RET: variants seen among roughly 807,000 people sequenced by gnomAD.
RET encodes ret proto-oncogene.
RET carries 19 observed loss-of-function variants against 118.3 expected under a neutral mutation model. The observed-to-expected ratio is 0.16, with a 90% confidence interval of 0.11 to 0.24. The LOEUF (loss-of-function observed/expected upper bound fraction) is 0.24, where lower values mean the gene tolerates loss of function less well. Among genes scored for constraint, RET ranks in the 10% least tolerant of loss-of-function variants. The pLI is 1.00. For missense variants in RET, 1,219 were observed against 1,502.1 expected (o/e 0.81, Z 3.12); for synonymous variants, 597 against 644.1 (o/e 0.93, Z 1.11).
Position 43,077,079 on chromosome 10 carries a change from C to T in RET, c.-180C>T, listed in dbSNP as rs1025980169. Reference sequence around the variant, plus strand: ...CGCTTACCTCGCTTCAGTCCCGCGACCGAAGCAGGGCGCGCAGCAGCGCTG... The same window carrying T: ...CGCTTACCTCGCTTCAGTCCCGCGATCGAAGCAGGGCGCGCAGCAGCGCTG... On this transcript the variant is annotated 5_prime_UTR_variant, in exon 1 of 20. Coordinates refer to ENST00000355710, the MANE Select transcript of RET (RefSeq NM_020975.6). 3.1e-6 allele frequency: 3 copies of T among 968,858 alleles called. No individual in the cohort carries two copies. Among genetic ancestry groups the T allele is most frequent in the South Asian group, 3.5e-5 (1 of 28,612 alleles). 60.0% of individuals were successfully genotyped at this position (968,858 alleles called of 1,614,324 possible).
chr10:43,109,217 G>C lies in RET; in HGVS notation c.1250G>C (p.Arg417Pro), dbSNP rs201030628. Residue 417 changes from arginine (R) to proline (P), a missense_variant, in exon 6 of 20, where the codon CGC becomes CCC. Arg to Pro is a moderately radical substitution (Grantham distance 103, BLOSUM62 -2). Coordinates refer to ENST00000355710, the MANE Select transcript of RET (RefSeq NM_020975.6). ...TYSLSVSRRA[R>P]RFAQIGKVCV... ...TCCCTCTCCGTGAGCAGGAGGGCTC[G>C]CCGATTTGCCCAGGTGAGCCCATAC... is the stretch of plus-strand genomic sequence containing the variant. 6.2e-7 allele frequency: 1 copy of C among 1,613,010 alleles called. No homozygotes were observed. Among genetic ancestry groups the C allele is most frequent in the Non-Finnish European group, 8.5e-7 (1 of 1,180,032 alleles).
At chr10:43,127,272 G>A (rs2133042056) in intron 19 of RET, 3 of 1,069,832 alleles carry the variant, frequency 2.8e-6, no homozygotes, top group South Asian at 8.9e-5. Flanking sequence ...TCCATCAGGG[G>A]TAGCGAGGTT....
At chr10:43,086,979 C>T (rs1190138769) in intron 1 of RET, among the ~76,000 whole-genome samples, 1 of 152,240 alleles carries the variant, frequency 6.6e-6, no homozygotes, top group Non-Finnish European at 1.5e-5. Context: ...GGACCCCTTC[C>T]CCACTCACGG....
chr10:43,111,062 G>A, intron 6 of RET, 145 bp from the exon 7 acceptor site: 2 of 1,121,104 alleles, frequency 1.8e-6, no homozygotes, highest in Non-Finnish European at 2.6e-6. Flanking sequence ...TCTGAGGGGT[G>A]GAGGACAGGG....
chr10:43,081,155 C>T (rs944605492), intron 1 of RET, among the ~76,000 whole-genome samples: 1 of 152,084 alleles, frequency 6.6e-6, no homozygotes, highest in African/African-American at 2.4e-5. Flanking sequence ...TTCCTTTCCA[C>T]TTCAGGAGCC....
intron 1 of RET, among the ~76,000 whole-genome samples, chr10:43,078,198 C>G (rs912860999): frequency 1.3e-5 from 2 of 152,248 alleles, no homozygotes; most frequent in Non-Finnish European, 2.9e-5. Context: ...TCTTTGACCC[C>G]TTGGCACGCG....
intron 1 of RET, among the ~76,000 whole-genome samples, chr10:43,099,513 A>AAAATAAATAAATAAAT (rs751291577): frequency 2.7e-5 from 4 of 146,290 alleles, no homozygotes; most frequent in African/African-American, 7.6e-5. Context: ...CTCCATCTCA[A>AAAATAAATAAATAAAT]AAATAAATAA....
In RET at chr10:43,118,413, G is replaced by A. The variant is rs2132929261; in HGVS notation, c.2325G>A (p.Glu775=). 1 of 1,614,172 alleles carries A rather than the reference G, an allele frequency of 6.2e-7. No individual in the cohort carries two copies. Among genetic ancestry groups the A allele is most frequent in the Non-Finnish European group, 8.5e-7 (1 of 1,180,036 alleles). Residue 775 remains glutamate, a synonymous_variant, in exon 13 of 20, where the codon GAG becomes GAA. Transcript: ENST00000355710. ...SPSELRDLLS[E]FNVLKQVNHP... ...GTGAGCTGCGAGACCTGCTGTCAGAGTTCAACGTCCTGAAGCAGGTCAACC... is the reference window on the plus strand; with the variant it reads ...GTGAGCTGCGAGACCTGCTGTCAGAATTCAACGTCCTGAAGCAGGTCAACC...
intron 1 of RET, among the ~76,000 whole-genome samples, chr10:43,079,855 CT>C (rs1837140564): frequency 6.6e-6 from 1 of 152,178 alleles, no homozygotes; most frequent in Non-Finnish European, 1.5e-5. Context: ...ACAGCTCCCC[CT>C]GCTTCATCCT....
In RET at chr10:43,101,413, C is replaced by T. The variant is rs573390612; in HGVS notation, c.337+691C>T. Among the ~76,000 whole-genome samples, 18 of 152,376 alleles carry T rather than the reference C, an allele frequency of 1.2e-4. No homozygotes were observed. In the South Asian group the frequency reaches 3.3e-3, roughly 28 times the overall value. On this transcript the variant is annotated intron_variant, in intron 2 of 19. Coordinates refer to ENST00000355710, the MANE Select transcript of RET (RefSeq NM_020975.6). ...CAGGCTATGAATGCAGAGCAGGCAT[C>T]CCTGCCCTACCCAGGCCTATCTGCC...
At position 43,118,107 on chromosome 10, in the gene RET, C is replaced by T. The variant is rs769723631; in HGVS notation, c.2285-266C>T. ...CAATGACTACAGGAACATAATGCCACATACACAGGTGGCCCAGCCCTGGGA... is the reference window on the plus strand; with the variant it reads ...CAATGACTACAGGAACATAATGCCATATACACAGGTGGCCCAGCCCTGGGA... On this transcript the variant is annotated intron_variant, in intron 12 of 19. Coordinates refer to ENST00000355710, the MANE Select transcript of RET (RefSeq NM_020975.6). Among the ~76,000 whole-genome samples the T allele has an allele frequency of 1.5e-4, 23 of 152,202 alleles. 1 individual carries two copies. The highest frequency in any genetic ancestry group is 1.2e-4 in the Non-Finnish European group (8 of 68,040).
chr10:43,116,681 A>T lies in RET; in HGVS notation c.2234A>T (p.His745Leu), dbSNP rs534094626. 2 of 1,612,618 alleles carry T rather than the reference A, an allele frequency of 1.2e-6. No individual in the cohort carries two copies. The highest frequency in any genetic ancestry group is 4.5e-5 in the East Asian group (2 of 44,704). The change falls in exon 12 of 20, where the codon CAT (histidine) becomes CTT (leucine). Residue 745 changes from histidine (H) to leucine (L), a missense_variant. Physicochemically the swap from His to Leu is moderately conservative, Grantham distance 99 (BLOSUM62 -3). Around this residue, in one of 5 missense-constraint regions of RET, gnomAD observed 850 missense variants for 969.6 expected, o/e 0.88. Transcript: ENST00000355710. ...FGKVVKATAF[H>L]LKGRAGYTTV... ...AAAGTGGTCAAGGCAACGGCCTTCC[A>T]TCTGAAAGGCAGAGCAGGGTACACC...
chr10:43,082,550 C>T (rs1837207619), intron 1 of RET, among the ~76,000 whole-genome samples: 1 of 152,122 alleles, frequency 6.6e-6, no homozygotes. Flanking sequence ...GCCCCAGGTT[C>T]TAGACCCCCT....
Position 43,129,019 on chromosome 10 carries a change from G to A in RET, c.*750G>A, listed in dbSNP as rs1382744951. 4.2e-6 allele frequency: 1 copy of A among 235,644 alleles called. No individual in the cohort carries two copies. Among genetic ancestry groups the A allele is most frequent in the African/African-American group, 2.2e-5 (1 of 45,240 alleles). The allele number at this position is 235,644 out of a possible 1,614,324, so 14.6% of individuals were successfully genotyped here. A position where few individuals can be genotyped will look rare whatever the true frequency, so the allele number is the denominator to read the frequency against. On this transcript the variant is annotated 3_prime_UTR_variant, in exon 20 of 20. Coordinates refer to ENST00000355710, the MANE Select transcript of RET (RefSeq NM_020975.6). ...GGCTCACAAGACACATTTGTCCCCC[G>A]GGCCCACCACATCATCCTCACGTGT...
chr10:43,128,058 C>T, intron 19 of RET, 54 bp from the exon 20 acceptor site: 1 of 1,599,788 alleles, frequency 6.3e-7, no homozygotes, highest in Non-Finnish European at 8.6e-7. Context: ...TTACTGTCTG[C>T]ACTTGAAGTT....
intron 17 of RET, 142 bp downstream of exon 17, chr10:43,123,950 C>A: frequency 7.7e-7 from 1 of 1,294,012 alleles, no homozygotes; most frequent in Non-Finnish European, 1.1e-6. Flanking sequence ...GTTAGAGAGC[C>A]ATCCTTGGGT....
chr10:43,102,160 GGCAGCAGGGCTGT>G lies in RET; in HGVS notation c.338-174_338-162del, dbSNP rs148863289. 0.046 allele frequency: 33,522 copies of G among 725,948 alleles called. 1,198 individuals are homozygous for G. The highest frequency in any genetic ancestry group is 0.15 in the East Asian group (5,531 of 37,288). The allele number at this position is 725,948 out of a possible 1,614,324, so 45.0% of individuals were successfully genotyped here. ...CTAGGCCTGTGGGGCATTGGTGCTG[GGCAGCAGGGCTGT>G]GCAGCAGAGGTAAGGAGGTGGCAGG... On this transcript the variant is annotated intron_variant, in intron 2 of 19. Coordinates refer to ENST00000355710, the MANE Select transcript of RET (RefSeq NM_020975.6).
At chr10:43,094,094 G>C (rs1158140838) in intron 1 of RET, among the ~76,000 whole-genome samples, 2 of 151,582 alleles carry the variant, frequency 1.3e-5, no homozygotes, top group Admixed American at 1.3e-4. Context: ...GAAGCGGTGG[G>C]GGGGTGGGGG....
intron 16 of RET, among the ~76,000 whole-genome samples, chr10:43,122,341 C>G (rs1838237711): frequency 6.6e-6 from 1 of 152,160 alleles, no homozygotes; most frequent in African/African-American, 2.4e-5. Context: ...TCAGGCCCAG[C>G]CCAGCAGTTA....
Sources: allele counts gnomAD v4.1 joint callset (sites outside exome capture counted in the v4.1 genomes callset), GRCh38; gene constraint gnomAD v4.1.1; regional missense constraint gnomAD v4.1.1; transcripts MANE v1.5; gene names NCBI Gene and HGNC (gene_info 2026-07-23, HGNC 2026-07-21).